Variants in ADGRL3 observed in about 807,000 individuals in gnomAD.
ADGRL3 encodes adhesion G protein-coupled receptor L3, also known as calcium-independent alpha-latrotoxin receptor 3.
ADGRL3 carries 62 observed loss-of-function variants against 153.5 expected under a neutral mutation model. The ratio of observed to expected loss-of-function variants is 0.40; its 90% CI spans 0.33 to 0.50. The LOEUF (loss-of-function observed/expected upper bound fraction) is 0.50, where lower values mean the gene tolerates loss of function less well. ADGRL3 is among the 20% of genes least tolerant of loss of function. The pLI, the probability that ADGRL3 is intolerant of heterozygous loss-of-function variation, is 0.47. For missense variants in ADGRL3, 1,641 were observed against 1,859.4 expected (o/e 0.88, Z 2.16); for synonymous variants, 710 against 672.5 (o/e 1.06, Z -0.86).
At chr4:61,678,467 T>G (rs1252390686) in intron 6 of ADGRL3, among the ~76,000 whole-genome samples, 1 of 151,996 alleles carries the variant, frequency 6.6e-6, no homozygotes, top group African/African-American at 2.4e-5. Flanking sequence ...TCTTTGAGGA[T>G]AGCCACTTCA....
At chr4:61,617,142 C>G (rs1035330768) in intron 5 of ADGRL3, among the ~76,000 whole-genome samples, 9 of 152,030 alleles carry the variant, frequency 5.9e-5, no homozygotes, top group African/African-American at 2.2e-4. Flanking sequence ...AACTCTGATT[C>G]CTAAGATTTG....
chr4:62,050,147 C>A (rs561307758), intron 25 of ADGRL3, among the ~76,000 whole-genome samples: 3 of 151,932 alleles, frequency 2.0e-5, no homozygotes, highest in African/African-American at 7.2e-5. Flanking sequence ...GATTGTGCTA[C>A]CCTGGAGGCT....
At chr4:61,635,158 G>C (rs2093360584) in intron 5 of ADGRL3, among the ~76,000 whole-genome samples, 1 of 152,166 alleles carries the variant, frequency 6.6e-6, no homozygotes, top group Non-Finnish European at 1.5e-5. Context: ...GGAAAATTGA[G>C]ATCCCCCTTC....
chr4:61,687,134 A>AT (rs887516186), intron 6 of ADGRL3, among the ~76,000 whole-genome samples: 48 of 149,544 alleles, frequency 3.2e-4, no homozygotes, highest in South Asian at 2.3e-3. Flanking sequence ...TAATTGCCCA[A>AT]TTTTTTTTTT....
Position 62,071,612 on chromosome 4 carries a change from G to A in ADGRL3, c.*704G>A. The A allele has an allele frequency of 3.0e-6, 1 of 336,262 alleles. No homozygotes were observed. Among genetic ancestry groups the A allele is most frequent in the South Asian group, 2.5e-5 (1 of 39,898 alleles). The allele number at this position is 336,262 out of a possible 1,614,324, so 20.8% of individuals were successfully genotyped here. On this transcript the variant is annotated 3_prime_UTR_variant, in exon 27 of 27. Coordinates refer to ENST00000683033, the MANE Select transcript of ADGRL3 (RefSeq NM_001387552.1). The stretch of plus-strand genomic sequence containing the variant: ...ATATAGTCTGCTTTCTGTTCCTCCA[G>A]AATTTGAGTCCTGTTAATGTAGTAG...
chr4:61,291,140 T>A (rs945685813), intron 1 of ADGRL3, among the ~76,000 whole-genome samples: 2 of 150,480 alleles, frequency 1.3e-5, no homozygotes, highest in African/African-American at 4.9e-5. Context: ...ATATGTATTT[T>A]GAATTTTAAA....
intron 6 of ADGRL3, among the ~76,000 whole-genome samples, chr4:61,719,981 G>C (rs1418963828): frequency 6.6e-6 from 1 of 151,968 alleles, no homozygotes; most frequent in South Asian, 2.1e-4. Context: ...TGTAAGTCTG[G>C]AATGTGATAC....
intron 2 of ADGRL3, among the ~76,000 whole-genome samples, chr4:61,453,551 T>A (rs1315304057): frequency 2.0e-5 from 3 of 152,102 alleles, no homozygotes; most frequent in Non-Finnish European, 2.9e-5. Flanking sequence ...GCTGTATGGG[T>A]TAAAATCAAA....
chr4:61,480,053 C>T (rs1267555671), intron 2 of ADGRL3, among the ~76,000 whole-genome samples: 1 of 151,970 alleles, frequency 6.6e-6, no homozygotes, highest in Non-Finnish European at 1.5e-5. Flanking sequence ...AAGATCTAGT[C>T]TCTCAGCAAA....
chr4:61,923,685 A>G (rs551458476), intron 13 of ADGRL3, among the ~76,000 whole-genome samples: 1 of 152,272 alleles, frequency 6.6e-6, no homozygotes, highest in Admixed American at 6.5e-5. Context: ...CCCACTTCGT[A>G]TGTCAATTAC....
chr4:61,985,347 C>T (rs554575590), intron 19 of ADGRL3, among the ~76,000 whole-genome samples: 47 of 151,816 alleles, frequency 3.1e-4, no homozygotes, highest in African/African-American at 1.1e-3. Context: ...AGCAGAGGAA[C>T]TTTTCCTTCA....
At chr4:61,601,356 C>A (rs1480399849) in intron 5 of ADGRL3, among the ~76,000 whole-genome samples, 4 of 152,086 alleles carry the variant, frequency 2.6e-5, no homozygotes, top group Non-Finnish European at 5.9e-5. Context: ...ACCTAGAGAA[C>A]ACAATCTTAA....
At chr4:61,555,536 G>A (rs182300742) in intron 4 of ADGRL3, among the ~76,000 whole-genome samples, 141 of 152,222 alleles carry the variant, frequency 9.3e-4, no homozygotes, top group Non-Finnish European at 1.4e-3. Context: ...CAGCCAGATG[G>A]GGATAAGTAA....
At chr4:61,826,494 A>T (rs1429189967) in intron 9 of ADGRL3, among the ~76,000 whole-genome samples, 1 of 152,158 alleles carries the variant, frequency 6.6e-6, no homozygotes, top group East Asian at 1.9e-4. Flanking sequence ...GGATAAGCTA[A>T]TTTCTAGAAT....
chr4:62,061,505 C>T (rs1035641661), intron 25 of ADGRL3, among the ~76,000 whole-genome samples: 1 of 151,820 alleles, frequency 6.6e-6, no homozygotes, highest in African/African-American at 2.4e-5. Flanking sequence ...CAATTTTACC[C>T]ACAAAGTAAG....
intron 2 of ADGRL3, among the ~76,000 whole-genome samples, chr4:61,455,464 T>C (rs1393202097): frequency 3.3e-5 from 5 of 152,144 alleles, no homozygotes; most frequent in Admixed American, 6.6e-5. Flanking sequence ...AATTCATTTA[T>C]TCAAGAAGTT....
At chr4:61,992,690 T>C in intron 19 of ADGRL3, among the ~76,000 whole-genome samples, 1 of 152,224 alleles carries the variant, frequency 6.6e-6, no homozygotes, top group African/African-American at 2.4e-5. Flanking sequence ...AAAGGAAATG[T>C]AAATCCATTT....
chr4:61,453,131 T>C (rs908349424), intron 2 of ADGRL3, among the ~76,000 whole-genome samples: 5 of 152,132 alleles, frequency 3.3e-5, no homozygotes, highest in Admixed American at 6.6e-5. Flanking sequence ...GTGAAACATT[T>C]TGATTCCTGA....
intron 2 of ADGRL3, among the ~76,000 whole-genome samples, chr4:61,487,703 G>A (rs577602868): frequency 2.0e-5 from 3 of 152,020 alleles, no homozygotes; most frequent in African/African-American, 7.2e-5. Context: ...TATTTTAAAA[G>A]TATAGCTATG....
Sources: allele counts gnomAD v4.1 joint callset (sites outside exome capture counted in the v4.1 genomes callset), GRCh38; gene constraint gnomAD v4.1.1; transcripts MANE v1.5; gene names NCBI Gene and HGNC (gene_info 2026-07-23, HGNC 2026-07-21).